Variants in SPTLC3 observed in about 807,000 individuals in gnomAD.
SPTLC3 encodes the protein serine palmitoyltransferase 3.
Under a neutral mutation model 59.3 loss-of-function variants are expected in SPTLC3, and 36 were observed. The ratio of observed to expected loss-of-function variants is 0.61; its 90% CI spans 0.47 to 0.80. The LOEUF is 0.80. Ranked by LOEUF, SPTLC3 falls within the 30% of genes least tolerant of loss-of-function variation. SPTLC3 has a pLI of 0.00. For missense variants in SPTLC3, 625 were observed against 685.1 expected (o/e 0.91, Z 0.98); for synonymous variants, 257 against 240.8 (o/e 1.07, Z -0.62).
intron 2 of SPTLC3, among the ~76,000 whole-genome samples, chr20:13,060,952 T>C (rs1423664321): frequency 6.6e-6 from 1 of 152,144 alleles, no homozygotes; most frequent in Non-Finnish European, 1.5e-5. Flanking sequence ...TAATAATTCC[T>C]TTTCCTTTGA....
At chr20:13,014,986 A>G (rs1985453396) in intron 1 of SPTLC3, among the ~76,000 whole-genome samples, 1 of 152,144 alleles carries the variant, frequency 6.6e-6, no homozygotes, top group South Asian at 2.1e-4. Flanking sequence ...AGTGTCTTTT[A>G]TAACCATTTA....
intron 1 of SPTLC3, among the ~76,000 whole-genome samples, chr20:13,041,828 GT>G (rs1470356656): frequency 6.6e-6 from 1 of 150,932 alleles, no homozygotes; most frequent in Non-Finnish European, 1.5e-5. Context: ...ACCTCACAGT[GT>G]AAAACCTCTA....
At position 13,160,165 on chromosome 20, in the gene SPTLC3, A is replaced by G. The variant is rs111976632; in HGVS notation, c.1545+33A>G. Reference sequence around the variant, plus strand: ...CACCACAGGCCAACGGGATCTCAGTACCAGTACCTTGGATTCAAAGCAAGT... The same window carrying G: ...CACCACAGGCCAACGGGATCTCAGTGCCAGTACCTTGGATTCAAAGCAAGT... On this transcript the variant is annotated intron_variant, in intron 11 of 11. Coordinates refer to ENST00000399002, the MANE Select transcript of SPTLC3 (RefSeq NM_018327.4). The G allele has an allele frequency of 1.1e-5, 18 of 1,584,780 alleles. No homozygotes were observed. In the African/African-American group the frequency reaches 1.7e-4, roughly 15 times the overall value.
intron 9 of SPTLC3, among the ~76,000 whole-genome samples, chr20:13,133,290 T>C (rs1025158048): frequency 6.6e-6 from 1 of 152,204 alleles, no homozygotes; most frequent in Non-Finnish European, 1.5e-5. Flanking sequence ...CTGCATGACA[T>C]GCTTGCTGCA....
intron 1 of SPTLC3, among the ~76,000 whole-genome samples, chr20:13,036,593 G>A (rs553120776): frequency 6.6e-6 from 1 of 152,046 alleles, no homozygotes; most frequent in Non-Finnish European, 1.5e-5. Context: ...TAGGCTATTA[G>A]CAGTTAAGTT....
intron 2 of SPTLC3, among the ~76,000 whole-genome samples, chr20:13,060,183 C>T (rs1485909365): frequency 6.6e-6 from 1 of 152,174 alleles, no homozygotes; most frequent in Non-Finnish European, 1.5e-5. Flanking sequence ...CAGAGTAGCC[C>T]TTTAGACAGA....
At chr20:13,162,520 T>C (rs1376860403) in intron 11 of SPTLC3, among the ~76,000 whole-genome samples, 2 of 152,186 alleles carry the variant, frequency 1.3e-5, no homozygotes, top group African/African-American at 4.8e-5. Context: ...ATGACCCTGA[T>C]GAACAGCCAG....
chr20:13,026,748 G>A lies in SPTLC3; in HGVS notation c.117+17364G>A, dbSNP rs920991069. 6.6e-5 allele frequency among the ~76,000 whole-genome samples: 10 copies of A among 152,116 alleles called. No individual in the cohort carries two copies. In the South Asian group the frequency reaches 1.0e-3, roughly 16 times the overall value. On this transcript the variant is annotated intron_variant, in intron 1 of 11. Transcript: ENST00000399002. ...TGCCATGTCCACTTCTGCTCTTGGC[G>A]GTTACCATTTCCATGTGCACAGCCT...
chr20:13,009,219 C>A lies in SPTLC3; in HGVS notation c.-49C>A. ...CTCGCAGACTGAAAACTAAAGCCTG[C>A]AGAGACCTCTGAAGGAAAACCTGTC... is the stretch of plus-strand genomic sequence containing the variant. On this transcript the variant is annotated 5_prime_UTR_variant, in exon 1 of 12. Coordinates refer to ENST00000399002, the MANE Select transcript of SPTLC3 (RefSeq NM_018327.4). The A allele has an allele frequency of 1.3e-6, 2 of 1,507,920 alleles. No homozygotes were observed. Among genetic ancestry groups the A allele is most frequent in the Non-Finnish European group, 1.8e-6 (2 of 1,085,030 alleles). The allele number at this position is 1,507,920 out of a possible 1,614,324, so 93.4% of individuals were successfully genotyped here.
chr20:13,140,449 G>A (rs1427246900), intron 9 of SPTLC3, among the ~76,000 whole-genome samples: 1 of 152,170 alleles, frequency 6.6e-6, no homozygotes, highest in African/African-American at 2.4e-5. Flanking sequence ...CCAGGCACGA[G>A]ACTGAATTCT....
At chr20:13,038,276 T>C (rs960266377) in intron 1 of SPTLC3, among the ~76,000 whole-genome samples, 1 of 152,124 alleles carries the variant, frequency 6.6e-6, no homozygotes, top group African/African-American at 2.4e-5. Flanking sequence ...ATTAATTCTT[T>C]AAATGTTTGG....
intron 9 of SPTLC3, among the ~76,000 whole-genome samples, chr20:13,141,582 G>A (rs767694732): frequency 8.5e-5 from 13 of 152,054 alleles, no homozygotes; most frequent in Admixed American, 5.9e-4. Flanking sequence ...AAAAAATTCC[G>A]CCCAAAATGT....
intron 1 of SPTLC3, among the ~76,000 whole-genome samples, chr20:13,025,473 G>C (rs1986096515): frequency 6.6e-6 from 1 of 152,124 alleles, no homozygotes; most frequent in Non-Finnish European, 1.5e-5. Flanking sequence ...ATCTCTCTGT[G>C]CCTCAGTTTT....
intron 2 of SPTLC3, among the ~76,000 whole-genome samples, chr20:13,058,495 A>T (rs895535332): frequency 3.9e-5 from 6 of 152,316 alleles, no homozygotes; most frequent in African/African-American, 9.6e-5. Flanking sequence ...ATCACTGAGA[A>T]CCTTTAAAAG....
At chr20:13,040,682 C>CT (rs548122908) in intron 1 of SPTLC3, among the ~76,000 whole-genome samples, 9,057 of 145,346 alleles carry the variant, frequency 0.062, 295 homozygotes, top group South Asian at 0.088. Context: ...CCTGTGCCCC[C>CT]TTTTTTTTTT....
At chr20:13,084,008 C>T (rs979959958) in intron 4 of SPTLC3, among the ~76,000 whole-genome samples, 14 of 152,320 alleles carry the variant, frequency 9.2e-5, no homozygotes, top group Non-Finnish European at 1.9e-4. Flanking sequence ...CCCCAGGCAG[C>T]TACCATCAAG....
chr20:13,042,357 C>T (rs1987023956), intron 1 of SPTLC3, among the ~76,000 whole-genome samples: 1 of 152,178 alleles, frequency 6.6e-6, no homozygotes, highest in African/African-American at 2.4e-5. Context: ...TGAATCACTG[C>T]TTCAGAGCTA....
At chr20:13,029,737 A>G (rs1986336323) in intron 1 of SPTLC3, among the ~76,000 whole-genome samples, 1 of 152,198 alleles carries the variant, frequency 6.6e-6, no homozygotes, top group South Asian at 2.1e-4. Context: ...GGGAATCCGT[A>G]TATTTCAACT....
chr20:13,103,992 G>A (rs1002282843), intron 6 of SPTLC3, among the ~76,000 whole-genome samples: 2 of 152,200 alleles, frequency 1.3e-5, no homozygotes, highest in Admixed American at 1.3e-4. Flanking sequence ...GATCCAGGAG[G>A]CTTGCTATTA....
Sources: allele counts gnomAD v4.1 joint callset (sites outside exome capture counted in the v4.1 genomes callset), GRCh38; gene constraint gnomAD v4.1.1; transcripts MANE v1.5; gene names NCBI Gene and HGNC (gene_info 2026-07-23, HGNC 2026-07-21).